EFTUD2: variants seen among roughly 807,000 people sequenced by gnomAD.
EFTUD2 encodes elongation factor Tu GTP binding domain containing 2.
In EFTUD2, 9 loss-of-function variants were observed where a neutral mutation model predicts 114.3. That is an observed-to-expected ratio of 0.08 (90% CI 0.05 to 0.14). EFTUD2 has a LOEUF of 0.14. Among genes scored for constraint, EFTUD2 ranks in the 10% least tolerant of loss-of-function variants. The probability of loss-of-function intolerance (pLI) is 1.00; values close to 1 mark genes in which losing one functional copy is unlikely to be tolerated. For synonymous variants in EFTUD2, 449 were observed against 462.3 expected (o/e 0.97, Z 0.37); for missense variants, 765 against 1,241.2 (o/e 0.62, Z 5.76).
At chr17:44,894,295 AG>A in intron 2 of EFTUD2, 121 bp downstream of exon 2, 1 of 764,376 alleles carries the variant, frequency 1.3e-6, no homozygotes, top group Non-Finnish European at 2.2e-6. Context: ...ACTTAAGCCC[AG>A]GAGGTGGAGG....
At chr17:44,894,614 G>T in intron 1 of EFTUD2, 89 bp from the exon 2 acceptor site, 1 of 984,350 alleles carries the variant, frequency 1.0e-6, no homozygotes, top group Middle Eastern at 2.1e-4. Flanking sequence ...TAGTCTTATG[G>T]TTGGCCATAC....
At chr17:44,896,078 T>C (rs186690778) in intron 1 of EFTUD2, 1 of 152,244 alleles carries the variant, frequency 6.6e-6, no homozygotes, top group Non-Finnish European at 1.5e-5. Context: ...TATCAGGTGA[T>C]ACATGATTTC....
chr17:44,859,929 C>T lies in EFTUD2; in HGVS notation c.1836G>A (p.Lys612=). ...KMLDGLRKVN[K]SYPSLTTKVE... is the part of the protein sequence containing the mutation. ...CCTTGGTGGTGAGGGATGGATAGCT[C>T]TTGTTGACCTTGCGCAGGCCATCAA... Residue 612 remains lysine, a synonymous_variant, in exon 18 of 28, where the codon AAG becomes AAA. Transcript: ENST00000426333. 4 of 1,614,162 alleles carry T rather than the reference C, an allele frequency of 2.5e-6. No individual in the cohort carries two copies. Among genetic ancestry groups the T allele is most frequent in the Non-Finnish European group, 3.4e-6 (4 of 1,180,038 alleles).
chr17:44,856,955 T>TA, intron 20 of EFTUD2, 120 bp downstream of exon 20: 1 of 770,876 alleles, frequency 1.3e-6, no homozygotes, highest in Non-Finnish European at 2.2e-6. Flanking sequence ...AAGCACCCCC[T>TA]ATTCTGAGCT....
At chr17:44,889,710 C>T (rs1345397313) in intron 2 of EFTUD2, among the ~76,000 whole-genome samples, 1 of 152,162 alleles carries the variant, frequency 6.6e-6, no homozygotes, top group African/African-American at 2.4e-5. Flanking sequence ...CAAAACCCTC[C>T]AGTGGTGAGA....
intron 2 of EFTUD2, chr17:44,891,685 T>C (rs1161003660): frequency 6.6e-6 from 1 of 152,158 alleles, no homozygotes; most frequent in African/African-American, 2.4e-5. Flanking sequence ...TTTTTGTTAA[T>C]AGCTTTATAG....
At chr17:44,858,566 C>T (rs2050599141) in intron 19 of EFTUD2, among the ~76,000 whole-genome samples, 1 of 152,104 alleles carries the variant, frequency 6.6e-6, no homozygotes, top group Non-Finnish European at 1.5e-5. Flanking sequence ...TCAGGTGATC[C>T]TCCCACCTAA....
chr17:44,865,716 A>C (rs1290218411), intron 13 of EFTUD2, among the ~76,000 whole-genome samples: 5 of 152,158 alleles, frequency 3.3e-5, no homozygotes, highest in Non-Finnish European at 4.4e-5. Flanking sequence ...TGCATATTTT[A>C]TTACTGCCTT....
intron 9 of EFTUD2, among the ~76,000 whole-genome samples, chr17:44,879,315 A>G (rs1264447430): frequency 2.6e-5 from 4 of 152,090 alleles, no homozygotes; most frequent in Non-Finnish European, 5.9e-5. Flanking sequence ...CGAACTCCTG[A>G]CCTCAGGTGA....
chr17:44,870,976 C>T (rs956025558), intron 11 of EFTUD2, among the ~76,000 whole-genome samples: 2 of 152,036 alleles, frequency 1.3e-5, no homozygotes, highest in African/African-American at 4.8e-5. Context: ...CGAGATCGTG[C>T]CATTACACTC....
intron 9 of EFTUD2, 119 bp from the exon 10 acceptor site, chr17:44,876,219 G>T: frequency 8.4e-7 from 1 of 1,193,364 alleles, no homozygotes; most frequent in Non-Finnish European, 1.1e-6. Context: ...AAGACCTCGG[G>T]AAATATTACT....
intron 6 of EFTUD2, chr17:44,881,951 G>A (rs1001239386): frequency 5.9e-6 from 3 of 505,996 alleles, no homozygotes; most frequent in African/African-American, 3.9e-5. Flanking sequence ...CTTTTTTGGA[G>A]ACAGAGTTTT....
At position 44,865,000 on chromosome 17, in the gene EFTUD2, C is replaced by T; in HGVS notation, c.1215G>A (p.Lys405=). The change falls in exon 14 of 28, where the codon AAG becomes AAA. Residue 405 remains lysine, a synonymous_variant. Transcript: ENST00000426333. The part of the protein sequence containing the change: ...TLDELGIHLT[K]EELKLNIRPL... ...GGCGGATGTTCAGCTTCAGCTCCTC[C>T]TTCGTCAGGTGGATGCCAAGCTCGT... 6.2e-7 allele frequency: 1 copy of T among 1,614,166 alleles called. No individual in the cohort carries two copies. The highest frequency in any genetic ancestry group is 1.3e-5 in the African/African-American group (1 of 75,036).
intron 19 of EFTUD2, chr17:44,857,454 C>T: frequency 2.9e-6 from 1 of 345,260 alleles, no homozygotes; most frequent in African/African-American, 2.1e-5. Context: ...TCCATTCAGC[C>T]ATCTACCACC....
chr17:44,871,081 C>T (rs941127907), intron 11 of EFTUD2, among the ~76,000 whole-genome samples: 4 of 152,184 alleles, frequency 2.6e-5, no homozygotes, highest in Middle Eastern at 3.4e-3. Flanking sequence ...CTCTGTTGCC[C>T]GGGCTGGAGT....
chr17:44,873,121 C>T (rs1301727023), intron 10 of EFTUD2: 1 of 152,578 alleles, frequency 6.6e-6, no homozygotes, highest in African/African-American at 2.4e-5. Context: ...TATAAGAAAA[C>T]GAGTTGTACA....
At chr17:44,886,286 T>A (rs888378753) in intron 3 of EFTUD2, among the ~76,000 whole-genome samples, 1 of 152,034 alleles carries the variant, frequency 6.6e-6, no homozygotes, top group Non-Finnish European at 1.5e-5. Context: ...GTTAAAAGGG[T>A]TGGAGTTATT....
intron 4 of EFTUD2, chr17:44,884,055 T>G: frequency 1.4e-5 from 4 of 292,342 alleles, no homozygotes; most frequent in South Asian, 7.6e-5. Flanking sequence ...TTACCTGAGG[T>G]CAGGAGTTCA....
At chr17:44,892,400 A>G (rs1555570826) in intron 2 of EFTUD2, 2 of 152,172 alleles carry the variant, frequency 1.3e-5, no homozygotes, top group Non-Finnish European at 2.9e-5. Flanking sequence ...TCTGCTGGTG[A>G]CCCATTAATC....
Sources: allele counts gnomAD v4.1 joint callset (sites outside exome capture counted in the v4.1 genomes callset), GRCh38; gene constraint gnomAD v4.1.1; transcripts MANE v1.5; gene names NCBI Gene and HGNC (gene_info 2026-07-23, HGNC 2026-07-21).